CTNNA2: variants seen among roughly 807,000 people sequenced by gnomAD.
CTNNA2 encodes catenin alpha-2.
A neutral mutation model predicts 101.0 loss-of-function variants in CTNNA2; 42 were observed. The ratio of observed to expected loss-of-function variants is 0.42; its 90% CI spans 0.32 to 0.54. The LOEUF is 0.54. Ranked by LOEUF, CTNNA2 falls within the 20% of genes least tolerant of loss-of-function variation. CTNNA2 has a pLI of 0.14. For synonymous variants in CTNNA2, 450 were observed against 456.4 expected (o/e 0.99, Z 0.18); for missense variants, 871 against 1,223.1 (o/e 0.71, Z 4.29).
chr2:79,884,751 C>CTT (rs375184305), intron 6 of CTNNA2, among the ~76,000 whole-genome samples: 29,806 of 138,174 alleles, frequency 0.22, 3,611 homozygotes, highest in Non-Finnish European at 0.27. Context: ...TTTAAATATG[C>CTT]TTTTTTTTTT....
In CTNNA2 at chr2:80,247,361, A is replaced by G. The variant is rs1418142150; in HGVS notation, c.1057-145850A>G. Among the ~76,000 whole-genome samples the G allele has an allele frequency of 3.9e-5, 6 of 152,250 alleles. No individual in the cohort carries two copies. The South Asian group carries it at 1.2e-3, about 32-fold the overall frequency. On this transcript the variant is annotated intron_variant, in intron 7 of 18. Coordinates refer to ENST00000402739, the MANE Select transcript of CTNNA2 (RefSeq NM_001282597.3). Reference sequence around the variant, plus strand: ...CTTTTAAACCTCTCTTTCCTGGCCTATGAAAGGAGAAGATTGGAGCAATTA... The same window carrying G: ...CTTTTAAACCTCTCTTTCCTGGCCTGTGAAAGGAGAAGATTGGAGCAATTA...
At chr2:79,850,896 T>G (rs1188843246) in intron 3 of CTNNA2, among the ~76,000 whole-genome samples, 2 of 152,140 alleles carry the variant, frequency 1.3e-5, no homozygotes, top group Non-Finnish European at 2.9e-5. Context: ...AAATATTAAG[T>G]CCAGATAGAT....
intron 2 of CTNNA2, among the ~76,000 whole-genome samples, chr2:79,667,312 A>G (rs763091618): frequency 6.6e-6 from 1 of 152,198 alleles, no homozygotes; most frequent in Non-Finnish European, 1.5e-5. Context: ...AGCAAGAGCA[A>G]TCAGTGTTTT....
intron 7 of CTNNA2, among the ~76,000 whole-genome samples, chr2:80,311,195 G>A (rs1052292966): frequency 1.4e-4 from 22 of 151,914 alleles, no homozygotes; most frequent in African/African-American, 4.1e-4. Context: ...ATATATGGGC[G>A]CCCATGCCTT....
intron 15 of CTNNA2, among the ~76,000 whole-genome samples, chr2:80,596,126 T>C (rs1696927764): frequency 6.6e-6 from 1 of 151,908 alleles, no homozygotes; most frequent in African/African-American, 2.4e-5. Flanking sequence ...TTTGTAGTAA[T>C]TGTGAATGGA....
chr2:80,083,557 G>A (rs1409671957), intron 7 of CTNNA2, among the ~76,000 whole-genome samples: 1 of 152,092 alleles, frequency 6.6e-6, no homozygotes. Flanking sequence ...AGGGAATAAG[G>A]CAATGTCAGA....
rs151053428 is a variant in CTNNA2 at position 79,767,641 on chromosome 2, T to C, written c.298+23059T>C. Among the ~76,000 whole-genome samples the C allele has an allele frequency of 5.6e-4, 85 of 151,942 alleles. 1 individual carries two copies. In the East Asian group the frequency reaches 7.6e-3, roughly 14 times the overall value. On this transcript the variant is annotated intron_variant, in intron 3 of 18. Transcript: ENST00000402739. ...GATCTCAGACAAGATTCAGAAGAATTTTCTGTATTATTAGGCAGAGACTCT... is the reference window on the plus strand; with the variant it reads ...GATCTCAGACAAGATTCAGAAGAATCTTCTGTATTATTAGGCAGAGACTCT...
chr2:80,421,902 C>A (rs776973499), intron 9 of CTNNA2, among the ~76,000 whole-genome samples: 1 of 150,246 alleles, frequency 6.7e-6, no homozygotes, highest in Non-Finnish European at 1.5e-5. Context: ...TTCTTAGTTT[C>A]TGTGTCTGTA....
chr2:80,042,001 A>G (rs1004341383), intron 7 of CTNNA2, among the ~76,000 whole-genome samples: 2 of 152,106 alleles, frequency 1.3e-5, no homozygotes, highest in African/African-American at 2.4e-5. Flanking sequence ...GCCTTGCTCT[A>G]TTGCCCAGGC....
chr2:79,245,692 C>T (rs1558585459), intron 2 of CTNNA2, among the ~76,000 whole-genome samples: 1 of 152,188 alleles, frequency 6.6e-6, no homozygotes, highest in South Asian at 2.1e-4. Context: ...TGATTTACAT[C>T]ACTGAGAGGA....
intron 7 of CTNNA2, among the ~76,000 whole-genome samples, chr2:80,253,256 A>C (rs1025091359): frequency 4.6e-5 from 7 of 152,274 alleles, no homozygotes; most frequent in African/African-American, 1.7e-4. Flanking sequence ...CTTCTTGAGA[A>C]GAATCAGTTT....
At chr2:79,273,921 C>T (rs554607347) in intron 2 of CTNNA2, among the ~76,000 whole-genome samples, 138 of 152,008 alleles carry the variant, frequency 9.1e-4, no homozygotes, top group African/African-American at 3.0e-3. Flanking sequence ...GCCCTGATTC[C>T]GCTCTTTGTG....
intron 1 of CTNNA2, among the ~76,000 whole-genome samples, chr2:79,646,769 T>C (rs1176584416): frequency 1.3e-5 from 2 of 152,122 alleles, no homozygotes; most frequent in African/African-American, 4.8e-5. Flanking sequence ...GCTCAAGCAG[T>C]CCACTCACTG....
At chr2:79,393,503 A>G (rs1050557209) in intron 4 of CTNNA2, among the ~76,000 whole-genome samples, 1 of 152,034 alleles carries the variant, frequency 6.6e-6, no homozygotes, top group African/African-American at 2.4e-5. Context: ...ATAACCACAA[A>G]GTCTAAAATA....
chr2:80,254,464 G>C (rs1354172573), intron 7 of CTNNA2, among the ~76,000 whole-genome samples: 2 of 152,104 alleles, frequency 1.3e-5, no homozygotes, highest in East Asian at 1.9e-4. Context: ...CCAAGGTATG[G>C]GGGGAGCTGG....
chr2:80,043,017 CCCTT>C lies in CTNNA2; in HGVS notation c.1056+133221_1056+133224del, dbSNP rs1558754440. ...TTTCCTTCCTTTCCTTCCTTTCTTTCCCTTTCTTTCTTTCTTTCTTTCCTTCTTT... is the reference window on the plus strand; with the variant it reads ...TTTCCTTCCTTTCCTTCCTTTCTTTCTCTTTCTTTCTTTCTTTCCTTCTTT... On this transcript the variant is annotated intron_variant, in intron 7 of 18. Transcript: ENST00000402739. Among the ~76,000 whole-genome samples, 74 of 145,744 alleles carry C rather than the reference CCCTT, an allele frequency of 5.1e-4. 1 individual carries two copies. The highest frequency in any genetic ancestry group is 9.2e-4 in the African/African-American group (35 of 38,042).
chr2:79,825,138 A>G (rs919286932), intron 3 of CTNNA2, among the ~76,000 whole-genome samples: 15 of 152,142 alleles, frequency 9.9e-5, no homozygotes, highest in African/African-American at 3.4e-4. Flanking sequence ...GCCGGAAGCT[A>G]GGATTGTGCC....
At chr2:79,754,089 G>T (rs1031119798) in intron 3 of CTNNA2, among the ~76,000 whole-genome samples, 1 of 151,944 alleles carries the variant, frequency 6.6e-6, no homozygotes, top group Non-Finnish European at 1.5e-5. Context: ...AGCTGGTCTC[G>T]AACTCCTGAT....
At chr2:79,517,365 C>G (rs371132151) in intron 1 of CTNNA2, among the ~76,000 whole-genome samples, 10 of 152,082 alleles carry the variant, frequency 6.6e-5, no homozygotes, top group African/African-American at 2.4e-4. Context: ...TGTTTTCTCC[C>G]AAATAGTAAA....
Sources: allele counts gnomAD v4.1 joint callset (sites outside exome capture counted in the v4.1 genomes callset), GRCh38; gene constraint gnomAD v4.1.1; transcripts MANE v1.5; gene names NCBI Gene and HGNC (gene_info 2026-07-23, HGNC 2026-07-21).